The following NWD1 variants were observed in gnomAD, a reference collection of about 807,000 sequenced individuals.
NWD1 encodes NACHT domain- and WD repeat-containing protein 1.
NWD1 carries 129 observed loss-of-function variants against 135.1 expected under a neutral mutation model. That is an observed-to-expected ratio of 0.96 (90% CI 0.83 to 1.11). The LOEUF (loss-of-function observed/expected upper bound fraction) is 1.11, where lower values mean the gene tolerates loss of function less well. NWD1 is among the 50% of genes least tolerant of loss of function. NWD1 has a pLI of 0.00. For synonymous variants in NWD1, 773 were observed against 786.0 expected (o/e 0.98, Z 0.28); for missense variants, 1,740 against 1,851.3 (o/e 0.94, Z 1.10).
intron 2 of NWD1, among the ~76,000 whole-genome samples, chr19:16,728,034 C>T (rs1045442181): frequency 6.6e-6 from 1 of 151,824 alleles, no homozygotes; most frequent in African/African-American, 2.4e-5. Flanking sequence ...GCACTCCAGC[C>T]TGAGCAACAG....
At chr19:16,750,812 A>C (rs984310623) in intron 6 of NWD1, among the ~76,000 whole-genome samples, 2 of 152,000 alleles carry the variant, frequency 1.3e-5, no homozygotes, top group Non-Finnish European at 2.9e-5. Context: ...AGCTAAATAC[A>C]GTTTTTGTTT....
intron 2 of NWD1, among the ~76,000 whole-genome samples, chr19:16,724,755 G>A (rs1009186322): frequency 1.3e-4 from 19 of 151,076 alleles, no homozygotes; most frequent in Admixed American, 1.1e-3. Flanking sequence ...GTGTAATGGC[G>A]CCATCTTGGC....
chr19:16,747,449 TCAGTGTGGCCTC>T (rs1345650568), intron 5 of NWD1, among the ~76,000 whole-genome samples: 1 of 152,064 alleles, frequency 6.6e-6, no homozygotes, highest in Non-Finnish European at 1.5e-5. Flanking sequence ...CGATCACGGC[TCAGTGTGGCCTC>T]CAGCTCCTGG....
chr19:16,807,277 T>C (rs1195520189), intron 17 of NWD1, among the ~76,000 whole-genome samples: 1 of 151,770 alleles, frequency 6.6e-6, no homozygotes, highest in African/African-American at 2.4e-5. Flanking sequence ...GTGGATCACC[T>C]GAGGTTGGGA....
Position 16,811,485 on chromosome 19 carries a change from G to T in NWD1, c.4287+3349G>T, listed in dbSNP as rs142960783. ...TGTAATCCCAGCTACTTGGGAGGTT[G>T]AGGCAAGAGAATCGCTTGAACCCAG... On this transcript the variant is annotated intron_variant, in intron 18 of 18. Transcript: ENST00000524140. 3.1e-4 allele frequency among the ~76,000 whole-genome samples: 47 copies of T among 151,746 alleles called. No individual in the cohort carries two copies. The East Asian group carries it at 8.2e-3, about 26-fold the overall frequency.
chr19:16,811,574 G>A (rs1207481468), intron 18 of NWD1, among the ~76,000 whole-genome samples: 1 of 139,320 alleles, frequency 7.2e-6, no homozygotes, highest in Non-Finnish European at 1.5e-5. Context: ...ACAAGAGCGA[G>A]ACTCTGTCTC....
At chr19:16,778,083 C>T (rs1969720172) in intron 11 of NWD1, among the ~76,000 whole-genome samples, 2 of 152,018 alleles carry the variant, frequency 1.3e-5, no homozygotes, top group South Asian at 4.1e-4. Flanking sequence ...CATCTCCTCA[C>T]TCTCTGTCCC....
chr19:16,755,228 G>C (rs77659325), intron 6 of NWD1, among the ~76,000 whole-genome samples: 4 of 149,690 alleles, frequency 2.7e-5, no homozygotes, highest in Non-Finnish European at 5.9e-5. Flanking sequence ...TCTCTTTTTT[G>C]GGGGGGGACA....
chr19:16,735,643 A>C (rs1399223096), intron 3 of NWD1, among the ~76,000 whole-genome samples: 1 of 151,186 alleles, frequency 6.6e-6, no homozygotes, highest in African/African-American at 2.4e-5. Context: ...AGCCTGGCCA[A>C]TATGGTGAAA....
intron 11 of NWD1, among the ~76,000 whole-genome samples, chr19:16,775,668 A>G (rs895519483): frequency 6.6e-6 from 1 of 152,028 alleles, no homozygotes; most frequent in African/African-American, 2.4e-5. Context: ...TTATATTTTT[A>G]TTTTTATTTT....
At chr19:16,784,455 G>C (rs1022384984) in intron 12 of NWD1, among the ~76,000 whole-genome samples, 1 of 152,022 alleles carries the variant, frequency 6.6e-6, no homozygotes, top group African/African-American at 2.4e-5. Flanking sequence ...TTTCGTATAA[G>C]GCACTGGAGC....
At chr19:16,777,796 GAGGGA>G (rs1371421522) in intron 11 of NWD1, among the ~76,000 whole-genome samples, 8 of 70,042 alleles carry the variant, frequency 1.1e-4, no homozygotes, top group East Asian at 1.1e-3. Context: ...AGGGAAAGGG[GAGGGA>G]AGGGAAGGGA....
chr19:16,787,840 A>C (rs1970088518), intron 12 of NWD1, among the ~76,000 whole-genome samples: 1 of 150,132 alleles, frequency 6.7e-6, no homozygotes. Flanking sequence ...AGCCTGGGTG[A>C]CAGAGCAAGA....
At chr19:16,727,304 C>A (rs1269154744) in intron 2 of NWD1, 1 of 152,466 alleles carries the variant, frequency 6.6e-6, no homozygotes, top group Non-Finnish European at 1.5e-5. Flanking sequence ...GGGGAGGCCA[C>A]TGTCTAATAT....
intron 17 of NWD1, 87 bp downstream of exon 17, chr19:16,800,249 A>C: frequency 1.5e-6 from 2 of 1,323,290 alleles, no homozygotes; most frequent in Non-Finnish European, 2.1e-6. Flanking sequence ...AATCATCCCC[A>C]CAGGCTGGGC....
chr19:16,791,320 G>A (rs1263945904), intron 13 of NWD1, 30 bp from the exon 14 acceptor site: 1 of 1,602,062 alleles, frequency 6.2e-7, no homozygotes, highest in Non-Finnish European at 8.5e-7. Flanking sequence ...CTCCTGCCAA[G>A]ATGCTGCTTC....
At position 16,815,192 on chromosome 19, in the gene NWD1, G is replaced by A. The variant is rs767539396; in HGVS notation, c.*153G>A. On this transcript the variant is annotated 3_prime_UTR_variant, in exon 19 of 19. Coordinates refer to ENST00000524140, the MANE Select transcript of NWD1 (RefSeq NM_001007525.5). Reference sequence around the variant, plus strand: ...GGACCCTCTTAAGAACTTCAAGAAGGCAATGTGGATGGTCAAATCCAGGCA... The same window carrying A: ...GGACCCTCTTAAGAACTTCAAGAAGACAATGTGGATGGTCAAATCCAGGCA... 13 of 843,384 alleles carry A rather than the reference G, an allele frequency of 1.5e-5. 1 individual carries two copies. Among genetic ancestry groups the A allele is most frequent in the Admixed American group, 1.5e-4 (9 of 59,064 alleles). The allele number at this position is 843,384 out of a possible 1,614,324, so 52.2% of individuals were successfully genotyped here. A position where few individuals can be genotyped will look rare whatever the true frequency, so the allele number is the denominator to read the frequency against.
chr19:16,811,070 C>T (rs1418649257), intron 18 of NWD1, among the ~76,000 whole-genome samples: 1 of 152,102 alleles, frequency 6.6e-6, no homozygotes, highest in Non-Finnish European at 1.5e-5. Flanking sequence ...TTCACCCACC[C>T]ACCTTGGCTT....
chr19:16,739,187 CA>C (rs1218184033), intron 4 of NWD1, among the ~76,000 whole-genome samples: 3 of 75,784 alleles, frequency 4.0e-5, no homozygotes, highest in South Asian at 3.1e-4. Context: ...AATGAGTTTC[CA>C]AGAAAAAAAA....
Sources: gnomAD v4.1 joint callset for allele counts (sites outside exome capture counted in the v4.1 genomes callset) on GRCh38, gnomAD v4.1.1 for gene constraint, MANE v1.5 for transcripts, NCBI Gene and HGNC (gene_info 2026-07-23, HGNC 2026-07-21) for gene names.